Variants in GDPD4 observed in about 807,000 individuals in gnomAD.
The protein encoded by GDPD4 is glycerophosphodiester phosphodiesterase 6.
GDPD4 carries 60 observed loss-of-function variants against 67.8 expected under a neutral mutation model. The observed-to-expected ratio is 0.88, with a 90% CI of 0.72 to 1.10. The LOEUF is 1.10. Ranked by LOEUF, GDPD4 falls within the 50% of genes least tolerant of loss-of-function variation. The pLI is 0.00. For missense variants in GDPD4, 623 were observed against 613.9 expected, an observed-to-expected ratio of 1.01 and a Z score of -0.16; for synonymous variants, 212 against 210.9, an observed-to-expected ratio of 1.00 and a Z score of -0.04.
rs753063687 is a variant in GDPD4 at position 77,267,043 on chromosome 11, C to T, written c.707+1414G>A. ...AGAGCAACTTCCAGTCCTGCAAGCT[C>T]CATTCATGGTAAATGCCCTATACAG... On this transcript the variant is annotated intron_variant, in intron 10 of 16. Transcript: ENST00000315938. Among the ~76,000 whole-genome samples the T allele has an allele frequency of 2.4e-4, 36 of 152,316 alleles. No homozygotes were observed. The Middle Eastern group carries it at 0.01, about 43-fold the overall frequency.
chr11:77,292,874 A>T (rs1937828502), intron 1 of GDPD4, among the ~76,000 whole-genome samples: 1 of 152,188 alleles, frequency 6.6e-6, no homozygotes, highest in African/African-American at 2.4e-5. Context: ...TTGAAAGACA[A>T]AAACTACTGA....
chr11:77,260,029 G>A (rs1959080656), intron 10 of GDPD4, among the ~76,000 whole-genome samples: 1 of 152,196 alleles, frequency 6.6e-6, no homozygotes, highest in Non-Finnish European at 1.5e-5. Context: ...CCTTAGAAAA[G>A]GGGATAATTG....
chr11:77,278,544 C>A (rs1201131554), intron 4 of GDPD4, among the ~76,000 whole-genome samples: 3 of 152,182 alleles, frequency 2.0e-5, no homozygotes, highest in African/African-American at 7.2e-5. Context: ...CTTCTCACAA[C>A]GTTCTGCTCA....
intron 11 of GDPD4, 67 bp from the exon 12 acceptor site, chr11:77,245,569 T>A (rs1958765342): frequency 9.5e-7 from 1 of 1,055,164 alleles, no homozygotes; most frequent in African/African-American, 1.6e-5. Flanking sequence ...TAGCCACACA[T>A]CCAGCTCTAC....
intron 10 of GDPD4, 45 bp downstream of exon 10, chr11:77,268,412 G>T (rs1959188742): frequency 1.5e-6 from 2 of 1,349,784 alleles, no homozygotes; most frequent in South Asian, 2.4e-5. Flanking sequence ...GCATGGCATT[G>T]AACTTATACC....
intron 16 of GDPD4, among the ~76,000 whole-genome samples, chr11:77,222,414 CTGG>C (rs977277464): frequency 1.3e-5 from 2 of 152,104 alleles, no homozygotes; most frequent in Non-Finnish European, 2.9e-5. Context: ...TAGGGCAGGC[CTGG>C]TGGTGACAAA....
Position 77,227,913 on chromosome 11 carries a change from C to T in GDPD4, c.1476G>A (p.Arg492=). 1.9e-6 allele frequency: 3 copies of T among 1,611,692 alleles called. No individual in the cohort carries two copies. The South Asian group carries it at 3.3e-5, about 18-fold the overall frequency. Residue 492 remains arginine (R), a synonymous_variant, in exon 16 of 17, where the codon CGG becomes CGA. Coordinates refer to ENST00000315938, the MANE Select transcript of GDPD4 (RefSeq NM_182833.3). Reference sequence around the variant, plus strand: ...ACAATTTTTCTTTTTCAGTCTCTCTCCGCCTAGAAGGAAGCAGACCATCCA... The same window carrying T: ...ACAATTTTTCTTTTTCAGTCTCTCTTCGCCTAGAAGGAAGCAGACCATCCA... The part of the protein sequence containing the change: ...FIVAIFCFHW[R]RETEKEKLFE...
At chr11:77,266,352 A>G (rs1362574043) in intron 10 of GDPD4, among the ~76,000 whole-genome samples, 1 of 152,160 alleles carries the variant, frequency 6.6e-6, no homozygotes, top group African/African-American at 2.4e-5. Flanking sequence ...CATTACTCGT[A>G]TGTTTATGGT....
At chr11:77,220,519 A>C (rs1236794266) in intron 16 of GDPD4, among the ~76,000 whole-genome samples, 2 of 152,174 alleles carry the variant, frequency 1.3e-5, no homozygotes, top group East Asian at 1.9e-4. Context: ...ATTGATTTGC[A>C]TATGTTGAAC....
chr11:77,224,300 G>A (rs1358080345), intron 16 of GDPD4: 1 of 152,420 alleles, frequency 6.6e-6, no homozygotes, highest in Non-Finnish European at 1.5e-5. Context: ...CTGCAGACCG[G>A]AGCTGTTTCT....
intron 11 of GDPD4, among the ~76,000 whole-genome samples, chr11:77,255,957 T>G (rs1301162887): frequency 6.6e-6 from 1 of 152,212 alleles, no homozygotes; most frequent in East Asian, 1.9e-4. Context: ...TGAATGTACT[T>G]AGAATTATGA....
intron 14 of GDPD4, among the ~76,000 whole-genome samples, chr11:77,231,543 G>A (rs1211551959): frequency 6.6e-6 from 1 of 152,190 alleles, no homozygotes; most frequent in African/African-American, 2.4e-5. Flanking sequence ...TAGACTAGGT[G>A]TGGAAGGAAG....
intron 4 of GDPD4, among the ~76,000 whole-genome samples, chr11:77,278,022 C>A (rs550980865): frequency 6.6e-6 from 1 of 152,102 alleles, no homozygotes; most frequent in East Asian, 1.9e-4. Flanking sequence ...GCAGGTTGTT[C>A]AGTTTCCATG....
intron 3 of GDPD4, among the ~76,000 whole-genome samples, chr11:77,281,549 A>G (rs1038457554): frequency 2.6e-5 from 4 of 152,252 alleles, no homozygotes; most frequent in Admixed American, 2.6e-4. Flanking sequence ...CAGACAGTGA[A>G]GAACTATGAA....
chr11:77,255,406 C>T (rs1409204956), intron 11 of GDPD4, among the ~76,000 whole-genome samples: 2 of 151,814 alleles, frequency 1.3e-5, no homozygotes, highest in Non-Finnish European at 2.9e-5. Flanking sequence ...CTATTAAAAA[C>T]ACAAAAAATT....
At chr11:77,223,632 G>C (rs1426504713) in intron 16 of GDPD4, among the ~76,000 whole-genome samples, 1 of 152,190 alleles carries the variant, frequency 6.6e-6, no homozygotes, top group Non-Finnish European at 1.5e-5. Context: ...GTGTCTCCCA[G>C]TTAGGATACA....
intron 3 of GDPD4, among the ~76,000 whole-genome samples, chr11:77,281,190 T>C (rs1046291007): frequency 1.3e-5 from 2 of 152,212 alleles, no homozygotes; most frequent in African/African-American, 4.8e-5. Context: ...TTTTCTGTTA[T>C]CATTATAACA....
At chr11:77,256,459 C>T (rs1260378865) in intron 11 of GDPD4, among the ~76,000 whole-genome samples, 2 of 152,150 alleles carry the variant, frequency 1.3e-5, no homozygotes, top group East Asian at 3.8e-4. Context: ...TTCTGAGTAA[C>T]TACAGTAATA....
chr11:77,228,639 C>G (rs1249170170), intron 15 of GDPD4, among the ~76,000 whole-genome samples: 2 of 151,914 alleles, frequency 1.3e-5, no homozygotes, highest in Non-Finnish European at 2.9e-5. Flanking sequence ...GATCATGCCA[C>G]TGCATGCCAC....
Sources: gnomAD v4.1 joint callset for allele counts (sites outside exome capture counted in the v4.1 genomes callset) on GRCh38, gnomAD v4.1.1 for gene constraint, MANE v1.5 for transcripts, NCBI Gene and HGNC (gene_info 2026-07-23, HGNC 2026-07-21) for gene names.